CEP192: variants seen among roughly 807,000 people sequenced by gnomAD.
CEP192 encodes the protein centrosomal protein 192, also known as centrosomal protein of 192 kDa.
A neutral mutation model predicts 271.8 loss-of-function variants in CEP192; 151 were observed. The observed-to-expected ratio is 0.56, with a 90% CI of 0.49 to 0.64. CEP192 has a LOEUF of 0.64. CEP192 is among the 30% of genes least tolerant of loss of function. The pLI is 0.00. For missense variants in CEP192, 2,910 were observed against 3,020.5 expected, an observed-to-expected ratio of 0.96 and a Z score of 0.86; for synonymous variants, 995 against 1,076.5, an observed-to-expected ratio of 0.92 and a Z score of 1.48.
chr18:13,025,550 T>C (rs2035246436), intron 9 of CEP192, among the ~76,000 whole-genome samples: 1 of 152,212 alleles, frequency 6.6e-6, no homozygotes. Context: ...TTTATATGAT[T>C]CCATTTTCTC....
intron 1 of CEP192, among the ~76,000 whole-genome samples, chr18:12,995,218 C>T (rs370305543): frequency 1.3e-5 from 2 of 151,986 alleles, no homozygotes; most frequent in Non-Finnish European, 2.9e-5. Context: ...CCCGCCACCT[C>T]GCCCGGCTAA....
Position 13,099,491 on chromosome 18 carries a change from T to C in CEP192, c.6573T>C (p.Ile2191=). 6.3e-7 allele frequency: 1 copy of C among 1,576,348 alleles called. No homozygotes were observed. ...GCVAPESKLQ[I]LVSPNSSLST... is the part of the protein sequence containing the mutation. ...TTTTTTAAAGGAGTAAACTACAAAT[T>C]CTTGTGAGTCCTAATTCCTCCTTAT... The change falls in exon 37 of 45, where the codon ATT becomes ATC. Residue 2191 remains isoleucine (I), a synonymous_variant. Transcript: ENST00000506447.
intron 15 of CEP192, among the ~76,000 whole-genome samples, chr18:13,045,303 G>C (rs958368965): frequency 6.6e-6 from 1 of 152,014 alleles, no homozygotes; most frequent in Non-Finnish European, 1.5e-5. Flanking sequence ...GATGCTTAGT[G>C]TGCTTATTTT....
At chr18:13,117,501 T>C in intron 43 of CEP192, 84 bp from the exon 44 acceptor site, 1 of 969,866 alleles carries the variant, frequency 1.0e-6, no homozygotes. Flanking sequence ...AATGTATCTG[T>C]AATAAATAAA....
At chr18:13,014,773 C>A (rs1344402100) in intron 5 of CEP192, among the ~76,000 whole-genome samples, 1 of 151,790 alleles carries the variant, frequency 6.6e-6, no homozygotes, top group Admixed American at 6.6e-5. Flanking sequence ...CAATATAATT[C>A]CTATGCTGGT....
chr18:12,996,167 C>G (rs988639382), intron 1 of CEP192, among the ~76,000 whole-genome samples: 1 of 145,348 alleles, frequency 6.9e-6, no homozygotes, highest in Non-Finnish European at 1.5e-5. Flanking sequence ...CAGTGAGTGT[C>G]CAGGCAGGAA....
Position 13,096,270 on chromosome 18 carries a change from C to T in CEP192, c.6520C>T (p.Leu2174Phe). The T allele has an allele frequency of 1.2e-6, 2 of 1,613,976 alleles. No individual in the cohort carries two copies. Among genetic ancestry groups the T allele is most frequent in the Non-Finnish European group, 1.7e-6 (2 of 1,179,844 alleles). Residue 2174 changes from leucine to phenylalanine, a missense_variant, in exon 36 of 45, where the codon CTC becomes TTC. Coordinates refer to ENST00000506447, the MANE Select transcript of CEP192 (RefSeq NM_032142.4). ...TGAGCTGTGCTGGCCAGCGCATTGC[C>T]TCACAGTCACGCCGCAGCATGGATG... ...RFELCWPAHCLTVTPQHGCVA... is the reference protein window; with the variant it reads ...RFELCWPAHCFTVTPQHGCVA...
At chr18:13,047,978 A>G (rs2036572017) in intron 15 of CEP192, among the ~76,000 whole-genome samples, 1 of 152,186 alleles carries the variant, frequency 6.6e-6, no homozygotes, top group Non-Finnish European at 1.5e-5. Context: ...ATAACCTGGT[A>G]CTATATAATT....
At chr18:13,089,871 T>C (rs2039062067) in intron 33 of CEP192, among the ~76,000 whole-genome samples, 1 of 152,228 alleles carries the variant, frequency 6.6e-6, no homozygotes, top group Non-Finnish European at 1.5e-5. Flanking sequence ...TCTGCACTTA[T>C]TCTCTAGGCA....
At chr18:13,067,559 A>T (rs1474021597) in intron 21 of CEP192, among the ~76,000 whole-genome samples, 2 of 152,382 alleles carry the variant, frequency 1.3e-5, no homozygotes, top group African/African-American at 4.8e-5. Context: ...ATAATTTTAT[A>T]AAATTATCAG....
chr18:13,036,211 C>T (rs1336124798), intron 11 of CEP192, among the ~76,000 whole-genome samples: 1 of 152,012 alleles, frequency 6.6e-6, no homozygotes, highest in African/African-American at 2.4e-5. Context: ...AGGTAAAGAA[C>T]TAGCACTGTT....
chr18:13,091,747 C>A (rs1156763591), intron 33 of CEP192, among the ~76,000 whole-genome samples: 1 of 151,866 alleles, frequency 6.6e-6, no homozygotes, highest in African/African-American at 2.4e-5. Context: ...ATTTGGGTGT[C>A]CTAATCTAGA....
At chr18:13,065,724 C>T (rs1320241925) in intron 21 of CEP192, among the ~76,000 whole-genome samples, 4 of 152,148 alleles carry the variant, frequency 2.6e-5, no homozygotes, top group Non-Finnish European at 5.9e-5. Context: ...AAGAGCCAGC[C>T]AGTCCACAAG....
chr18:13,023,840 A>T (rs1341716110), intron 9 of CEP192, among the ~76,000 whole-genome samples: 1 of 152,190 alleles, frequency 6.6e-6, no homozygotes, highest in South Asian at 2.1e-4. Flanking sequence ...TGTTGAACCT[A>T]TCTGGGCATG....
At chr18:13,040,983 A>C (rs1196413559) in intron 14 of CEP192, 27 bp downstream of exon 14, 1 of 1,583,042 alleles carries the variant, frequency 6.3e-7, no homozygotes. Context: ...AGGGGCTTTT[A>C]GGAATCTTTT....
intron 1 of CEP192, among the ~76,000 whole-genome samples, chr18:12,996,932 G>C (rs1457369743): frequency 3.3e-5 from 5 of 152,160 alleles, no homozygotes; most frequent in Non-Finnish European, 7.3e-5. Flanking sequence ...CTGGATGCCA[G>C]TCATGATTCC....
At chr18:13,063,241 A>C (rs936131196) in intron 21 of CEP192, among the ~76,000 whole-genome samples, 3 of 152,318 alleles carry the variant, frequency 2.0e-5, no homozygotes, top group African/African-American at 4.8e-5. Flanking sequence ...CAGCAGTGGA[A>C]TAGCTGGATC....
At chr18:13,001,218 C>T (rs1181863834) in intron 2 of CEP192, among the ~76,000 whole-genome samples, 1 of 152,188 alleles carries the variant, frequency 6.6e-6, no homozygotes, top group Non-Finnish European at 1.5e-5. Context: ...GTTGTATTAA[C>T]ACTCTCAGCT....
Position 13,059,174 on chromosome 18 carries a change from A to T in CEP192, c.4350A>T (p.Pro1450=). The change falls in exon 21 of 45, where the codon CCA becomes CCT. Residue 1450 remains proline (P), a synonymous_variant. Transcript: ENST00000506447. ...ATEEIKVLFI[P]SSPGVFRCTF... is the part of the protein sequence containing the mutation. ...AAGAGATAAAAGTGCTTTTTATACC[A>T]TCCAGTCCTGGGGTTTTCAGATGCA... The T allele has an allele frequency of 6.2e-7, 1 of 1,614,044 alleles. No homozygotes were observed. Among genetic ancestry groups the T allele is most frequent in the East Asian group, 2.2e-5 (1 of 44,882 alleles).
Sources: gnomAD v4.1 joint callset for allele counts (sites outside exome capture counted in the v4.1 genomes callset) on GRCh38, gnomAD v4.1.1 for gene constraint, MANE v1.5 for transcripts, NCBI Gene and HGNC (gene_info 2026-07-23, HGNC 2026-07-21) for gene names.